The following ANKRD30B variants were observed in gnomAD, a reference collection of about 807,000 sequenced individuals.
ANKRD30B encodes the protein ankyrin repeat domain-containing protein 30B.
In ANKRD30B, 144 loss-of-function variants were observed where a neutral mutation model predicts 202.2. The ratio of observed to expected loss-of-function variants is 0.71; its 90% CI spans 0.62 to 0.82. The LOEUF (loss-of-function observed/expected upper bound fraction) is 0.82, where lower values mean the gene tolerates loss of function less well. ANKRD30B is among the 40% of genes least tolerant of loss of function. The pLI is 0.00. For missense variants in ANKRD30B, 1,487 were observed against 1,669.1 expected (o/e 0.89, Z 1.90); for synonymous variants, 508 against 561.3 (o/e 0.91, Z 1.34).
At chr18:14,880,280 A>G in the ANKRD30B span, among the ~76,000 whole-genome samples, 1 of 152,084 alleles carries the variant, frequency 6.6e-6, no homozygotes, top group African/African-American at 2.4e-5. Context: ...TTTGCTAACT[A>G]TGGCCTTATT....
chr18:14,791,226 T>G (rs1187191979), intron 15 of ANKRD30B, among the ~76,000 whole-genome samples, 175 bp from the exon 16 acceptor site: 1 of 152,186 alleles, frequency 6.6e-6, no homozygotes, highest in African/African-American at 2.4e-5. Flanking sequence ...TTCTGTGGGA[T>G]TGATGGTGAT....
chr18:14,879,476 GC>G, the ANKRD30B span, among the ~76,000 whole-genome samples: 1 of 152,226 alleles, frequency 6.6e-6, no homozygotes, highest in Admixed American at 6.5e-5. Context: ...TCGCTGCCGT[GC>G]AGTCCTAAGA....
chr18:14,784,605 C>T, intron 14 of ANKRD30B, 70 bp downstream of exon 14: 1 of 1,470,024 alleles, frequency 6.8e-7, no homozygotes, highest in East Asian at 2.3e-5. Context: ...TCTTTCTATC[C>T]CCAATGATTT....
chr18:14,840,304 G>A (rs1167982168), intron 36 of ANKRD30B, among the ~76,000 whole-genome samples: 9 of 152,134 alleles, frequency 5.9e-5, no homozygotes, highest in South Asian at 4.1e-4. Context: ...TTCGGAGGGC[G>A]AGGTGGGCAG....
At position 14,799,121 on chromosome 18, in the gene ANKRD30B, C is replaced by A. The variant is rs762814155; in HGVS notation, c.2050C>A (p.Leu684Ile). ...TTTAGAGTCTCCTGATAATGATGGT[C>A]TTCTGAAGGTAATAACTTTTATATT... The part of the protein sequence containing the change: ...LKAESPDNDG[L>I]LKPTCGRKVS... Residue 684 changes from leucine to isoleucine, a missense_variant, in exon 21 of 44, where the codon CTT (leucine) becomes ATT (isoleucine). Coordinates refer to ENST00000690538, the MANE Select transcript of ANKRD30B (RefSeq NM_001367607.2). The A allele has an allele frequency of 1.9e-6, 3 of 1,578,264 alleles. No homozygotes were observed. Among genetic ancestry groups the A allele is most frequent in the South Asian group, 1.1e-5 (1 of 90,056 alleles).
the ANKRD30B span, among the ~76,000 whole-genome samples, chr18:14,861,865 A>T: frequency 2.6e-5 from 4 of 152,216 alleles, no homozygotes; most frequent in African/African-American, 4.8e-5. Context: ...AACATTCTCT[A>T]AAATTGACCA....
At chr18:14,933,969 A>T in the ANKRD30B span, among the ~76,000 whole-genome samples, 9 of 152,144 alleles carry the variant, frequency 5.9e-5, no homozygotes, top group East Asian at 1.7e-3. Context: ...TCTCTAAACG[A>T]TGTCTCAGGG....
At chr18:14,768,979 T>TA (rs1916684837) in intron 7 of ANKRD30B, among the ~76,000 whole-genome samples, 2 of 152,232 alleles carry the variant, frequency 1.3e-5, no homozygotes, top group Non-Finnish European at 2.9e-5. Flanking sequence ...CTTAATGCAT[T>TA]AATTTCCTAC....
the ANKRD30B span, among the ~76,000 whole-genome samples, chr18:14,922,438 G>A: frequency 6.6e-6 from 1 of 152,000 alleles, no homozygotes; most frequent in African/African-American, 2.4e-5. Flanking sequence ...GGTGGATCAA[G>A]AGGTCAGGAG....
intron 33 of ANKRD30B, among the ~76,000 whole-genome samples, 181 bp from the exon 34 acceptor site, chr18:14,831,202 G>GAAAAAAAAAAAAAAAAAAAAAAAA: frequency 1.3e-5 from 1 of 76,928 alleles, no homozygotes; most frequent in East Asian, 3.2e-4. Context: ...AAAAAAAAAC[G>GAAAAAAAAAAAAAAAAAAAAAAAA]AAAACCAGAT....
the ANKRD30B span, among the ~76,000 whole-genome samples, chr18:14,865,406 A>G: frequency 1.4e-5 from 2 of 146,892 alleles, no homozygotes; most frequent in East Asian, 2.1e-4. Flanking sequence ...CATCTACTCA[A>G]AATCTTTTTA....
intron 34 of ANKRD30B, among the ~76,000 whole-genome samples, chr18:14,834,456 C>T (rs1435364093): frequency 6.6e-6 from 1 of 151,636 alleles, no homozygotes; most frequent in Non-Finnish European, 1.5e-5. Context: ...AAAAGCACAG[C>T]AAAAATAGTG....
rs765740475 is a variant in ANKRD30B, at chr18:14,799,274, G to A, written c.2110G>A (p.Asp704Asn). 2 of 1,543,612 alleles carry A rather than the reference G, an allele frequency of 1.3e-6. No homozygotes were observed. The highest frequency in any genetic ancestry group is 1.7e-6 in the Non-Finnish European group (2 of 1,146,600). Residue 704 changes from aspartate (D) to asparagine (N), a missense_variant, in exon 22 of 44, where the codon GAC becomes AAC. Coordinates refer to ENST00000690538, the MANE Select transcript of ANKRD30B (RefSeq NM_001367607.2). ...SLPNKALELK[D>N]RETFKAAQMF... ...TCCAAATAAAGCTTTAGAATTGAAG[G>A]ACAGAGAAACATTCAAAGCAGGTAA...
chr18:14,925,975 T>C, the ANKRD30B span, among the ~76,000 whole-genome samples: 1 of 152,176 alleles, frequency 6.6e-6, no homozygotes, highest in Non-Finnish European at 1.5e-5. Flanking sequence ...CTTTGTGAAG[T>C]GTACTTATAA....
At chr18:14,918,919 G>A in the ANKRD30B span, among the ~76,000 whole-genome samples, 6 of 152,192 alleles carry the variant, frequency 3.9e-5, no homozygotes, top group Non-Finnish European at 5.9e-5. Context: ...GCTCACAGAA[G>A]TAAGTGCTCA....
At chr18:14,755,748 G>A (rs1198645640) in intron 4 of ANKRD30B, among the ~76,000 whole-genome samples, 3 of 152,026 alleles carry the variant, frequency 2.0e-5, no homozygotes, top group Non-Finnish European at 4.4e-5. Flanking sequence ...ATTTTTTATG[G>A]CTGCATAGTA....
the ANKRD30B span, among the ~76,000 whole-genome samples, chr18:14,878,248 G>A: frequency 3.9e-5 from 6 of 152,120 alleles, no homozygotes; most frequent in South Asian, 4.2e-4. Context: ...GAAACATGAC[G>A]TCCATATGGA....
chr18:14,819,763 T>C (rs1026623334), intron 30 of ANKRD30B, among the ~76,000 whole-genome samples: 1 of 152,212 alleles, frequency 6.6e-6, no homozygotes, highest in African/African-American at 2.4e-5. Context: ...TTGGTTACTG[T>C]AGCCTTGTAG....
chr18:14,925,221 C>T, the ANKRD30B span, among the ~76,000 whole-genome samples: 1 of 152,106 alleles, frequency 6.6e-6, no homozygotes, highest in Non-Finnish European at 1.5e-5. Context: ...GAGAGGACAG[C>T]TGTGTCAGGA....
Sources: gnomAD v4.1 joint callset for allele counts (sites outside exome capture counted in the v4.1 genomes callset) on GRCh38, gnomAD v4.1.1 for gene constraint, MANE v1.5 for transcripts, NCBI Gene and HGNC (gene_info 2026-07-23, HGNC 2026-07-21) for gene names.